The following MARCHF1 variants were observed in gnomAD, a reference collection of about 807,000 sequenced individuals.
The protein encoded by MARCHF1 is membrane associated ring-CH-type finger 1.
A neutral mutation model predicts 54.2 loss-of-function variants in MARCHF1; 40 were observed. That is an observed-to-expected ratio of 0.74 (90% CI 0.57 to 0.96). MARCHF1 has a LOEUF of 0.96. Ranked by LOEUF, MARCHF1 falls within the 40% of genes least tolerant of loss-of-function variation. The probability of loss-of-function intolerance (pLI) is 0.00; values close to 1 mark genes in which losing one functional copy is unlikely to be tolerated. For synonymous variants in MARCHF1, 236 were observed against 236.3 expected (o/e 1.00, Z 0.01); for missense variants, 586 against 656.5 (o/e 0.89, Z 1.17).
chr4:163,965,106 C>A (rs1056948516), intron 3 of MARCHF1, among the ~76,000 whole-genome samples: 2 of 151,952 alleles, frequency 1.3e-5, no homozygotes, highest in African/African-American at 4.8e-5. Flanking sequence ...AAACTCAGAT[C>A]TTAGGAGATG....
chr4:164,197,644 G>A (rs2288674), intron 1 of MARCHF1: 757,979 of 1,612,576 alleles, frequency 0.47, 186,860 homozygotes, highest in Non-Finnish European at 0.51. Context: ...GTTGTCCAGG[G>A]CAAGTTCTTT....
rs1006907262 is a variant in MARCHF1, at chr4:163,524,728, G to A, written c.*4020C>T. 6.6e-6 allele frequency: 1 copy of A among 152,186 alleles called. No homozygotes were observed. The highest frequency in any genetic ancestry group is 2.4e-5 in the African/African-American group (1 of 41,454). The allele number at this position is 152,186 out of a possible 1,614,324, so 9.4% of individuals were successfully genotyped here. A position where few individuals can be genotyped will look rare whatever the true frequency, so the allele number is the denominator to read the frequency against. On this transcript the variant is annotated 3_prime_UTR_variant, in exon 10 of 10. Coordinates refer to ENST00000514618, the MANE Select transcript of MARCHF1 (RefSeq NM_001394959.1). ...TGTGGAAACCACAACTAAGGTTTGC[G>A]TCACTTGTTTAATATACAAAGTCTT...
At chr4:163,618,147 T>C (rs1741573392) in intron 5 of MARCHF1, among the ~76,000 whole-genome samples, 1 of 152,160 alleles carries the variant, frequency 6.6e-6, no homozygotes. Flanking sequence ...ATATCAAATA[T>C]TCATTTGTAC....
rs561058479 is a variant in MARCHF1, at chr4:164,202,116, G to C, written c.-322-90454C>G. Among the ~76,000 whole-genome samples, 5 of 152,316 alleles carry C rather than the reference G, an allele frequency of 3.3e-5. No individual in the cohort carries two copies. The East Asian group carries it at 9.6e-4, about 29-fold the overall frequency. Reference sequence around the variant, plus strand: ...GCAAAACATTATGCTATGTGTTTATGAGAGTTACATAAGAAAAAGTTTCAG... The same window carrying C: ...GCAAAACATTATGCTATGTGTTTATCAGAGTTACATAAGAAAAAGTTTCAG... On this transcript the variant is annotated intron_variant, in intron 1 of 9. Coordinates refer to ENST00000514618, the MANE Select transcript of MARCHF1 (RefSeq NM_001394959.1).
chr4:164,009,166 C>T (rs1560859886), intron 2 of MARCHF1, among the ~76,000 whole-genome samples: 1 of 151,954 alleles, frequency 6.6e-6, no homozygotes, highest in Non-Finnish European at 1.5e-5. Flanking sequence ...TCATTAGATA[C>T]TATTATGAGC....
chr4:163,931,465 G>A (rs1751674274), intron 3 of MARCHF1, among the ~76,000 whole-genome samples: 1 of 152,072 alleles, frequency 6.6e-6, no homozygotes, highest in South Asian at 2.1e-4. Context: ...TCATAAAGGA[G>A]GCCTCAGGAG....
chr4:163,540,393 T>C (rs1349457606), intron 9 of MARCHF1, among the ~76,000 whole-genome samples: 1 of 152,168 alleles, frequency 6.6e-6, no homozygotes, highest in East Asian at 1.9e-4. Context: ...TGGGTGGCTA[T>C]TGGGGCCTTG....
Position 163,955,777 on chromosome 4 carries a change from G to C in MARCHF1, c.-39+32724C>G, listed in dbSNP as rs566634052. ...ATATTCCAGTCATGTCCATATTCCG[G>C]TGCCAAGTGCAGTGTATTGTGACAG... On this transcript the variant is annotated intron_variant, in intron 3 of 9. Transcript: ENST00000514618. Among the ~76,000 whole-genome samples the C allele has an allele frequency of 1.1e-4, 17 of 152,216 alleles. No homozygotes were observed. The South Asian group carries it at 3.5e-3, about 32-fold the overall frequency.
Position 164,122,154 on chromosome 4 carries a change from T to A in MARCHF1, c.-322-10492A>T, listed in dbSNP as rs560401848. Among the ~76,000 whole-genome samples, 3 of 152,090 alleles carry A rather than the reference T, an allele frequency of 2.0e-5. No individual in the cohort carries two copies. In the East Asian group the frequency reaches 5.8e-4, roughly 29 times the overall value. On this transcript the variant is annotated intron_variant, in intron 1 of 9. Coordinates refer to ENST00000514618, the MANE Select transcript of MARCHF1 (RefSeq NM_001394959.1). ...AATAAAATTCAACATCCCTCCATAA[T>A]AAGAACCCTAAAAAAACTGGGGATA... is the stretch of plus-strand genomic sequence containing the variant.
chr4:163,992,369 A>G (rs1415410309), intron 2 of MARCHF1, among the ~76,000 whole-genome samples: 2 of 152,120 alleles, frequency 1.3e-5, no homozygotes, highest in Non-Finnish European at 2.9e-5. Flanking sequence ...AATTGAAAAA[A>G]TATGTGGCAT....
At chr4:163,615,839 A>G (rs1367228617) in intron 5 of MARCHF1, among the ~76,000 whole-genome samples, 2 of 152,188 alleles carry the variant, frequency 1.3e-5, no homozygotes, top group Non-Finnish European at 2.9e-5. Flanking sequence ...CTACAAATTC[A>G]TAGTAATCAA....
At chr4:164,162,004 C>A (rs1730252546) in intron 1 of MARCHF1, among the ~76,000 whole-genome samples, 1 of 152,192 alleles carries the variant, frequency 6.6e-6, no homozygotes, top group East Asian at 1.9e-4. Context: ...TATAATCTCA[C>A]ATTCATAAAA....
At chr4:163,984,088 G>A (rs922320177) in intron 3 of MARCHF1, among the ~76,000 whole-genome samples, 1 of 151,506 alleles carries the variant, frequency 6.6e-6, no homozygotes, top group South Asian at 2.1e-4. Flanking sequence ...TTTTTTCCAG[G>A]TTACTGGAAT....
chr4:163,861,237 G>C (rs1749924326), intron 3 of MARCHF1, among the ~76,000 whole-genome samples: 1 of 152,134 alleles, frequency 6.6e-6, no homozygotes, highest in Non-Finnish European at 1.5e-5. Flanking sequence ...CTTGATGACA[G>C]AGAAACTTCA....
chr4:163,542,229 A>G (rs1282150352), intron 9 of MARCHF1, among the ~76,000 whole-genome samples: 1 of 152,228 alleles, frequency 6.6e-6, no homozygotes, highest in Non-Finnish European at 1.5e-5. Context: ...TTTTGAAAAC[A>G]ATTCTAAAAG....
intron 1 of MARCHF1, chr4:164,188,624 C>T: frequency 9.9e-7 from 1 of 1,005,724 alleles, no homozygotes; most frequent in Non-Finnish European, 1.6e-6. Flanking sequence ...CGCCACGAAC[C>T]AGCTCACCTC....
chr4:163,729,795 A>T (rs1294635986), intron 4 of MARCHF1, among the ~76,000 whole-genome samples: 1 of 152,006 alleles, frequency 6.6e-6, no homozygotes, highest in East Asian at 1.9e-4. Context: ...TCTGCTGATA[A>T]CCTTATTGAG....
intron 8 of MARCHF1, among the ~76,000 whole-genome samples, chr4:163,562,696 C>T (rs1359030645): frequency 1.3e-5 from 2 of 152,146 alleles, no homozygotes; most frequent in Non-Finnish European, 2.9e-5. Flanking sequence ...CCAGACTCAA[C>T]CTTTCTCAGA....
At chr4:164,209,989 C>T (rs1313726156) in intron 1 of MARCHF1, among the ~76,000 whole-genome samples, 1 of 152,126 alleles carries the variant, frequency 6.6e-6, no homozygotes, top group Non-Finnish European at 1.5e-5. Context: ...AACATCTTGG[C>T]TAGGCAGTTA....
Sources: gnomAD v4.1 joint callset for allele counts (sites outside exome capture counted in the v4.1 genomes callset) on GRCh38, gnomAD v4.1.1 for gene constraint, MANE v1.5 for transcripts, NCBI Gene and HGNC (gene_info 2026-07-23, HGNC 2026-07-21) for gene names.